Variants in CNTNAP2 observed in about 807,000 individuals in gnomAD.
CNTNAP2 encodes the protein contactin associated protein 2.
CNTNAP2 carries 98 observed loss-of-function variants against 155.2 expected under a neutral mutation model. The observed-to-expected ratio is 0.63, with a 90% CI of 0.54 to 0.75. The LOEUF (loss-of-function observed/expected upper bound fraction) is 0.75. Among genes scored for constraint, CNTNAP2 ranks in the 30% least tolerant of loss-of-function variants. The pLI, the probability that CNTNAP2 is intolerant of heterozygous loss-of-function variation, is 0.00. For synonymous variants in CNTNAP2, 651 were observed against 631.2 expected (o/e 1.03, Z -0.47); for missense variants, 1,727 against 1,688.1 (o/e 1.02, Z -0.40).
intron 3 of CNTNAP2, among the ~76,000 whole-genome samples, chr7:146,920,091 G>C (rs1419624188): frequency 6.6e-6 from 1 of 152,166 alleles, no homozygotes; most frequent in Non-Finnish European, 1.5e-5. Flanking sequence ...ATATTACTAA[G>C]AGAGTACATC....
At chr7:147,086,577 G>A (rs1800284314) in intron 4 of CNTNAP2, among the ~76,000 whole-genome samples, 1 of 151,932 alleles carries the variant, frequency 6.6e-6, no homozygotes, top group East Asian at 1.9e-4. Context: ...CTGAAAACAG[G>A]CATGCACCAC....
chr7:146,896,869 T>C (rs1795888005), intron 3 of CNTNAP2, among the ~76,000 whole-genome samples: 1 of 152,098 alleles, frequency 6.6e-6, no homozygotes, highest in Admixed American at 6.6e-5. Flanking sequence ...TTAATGATGA[T>C]TTATTTAACT....
At chr7:148,308,671 A>T (rs1265153640) in intron 21 of CNTNAP2, among the ~76,000 whole-genome samples, 2 of 151,840 alleles carry the variant, frequency 1.3e-5, no homozygotes. Context: ...GGTTTGCTGT[A>T]CCCATCAACC....
At chr7:147,068,472 C>A (rs972425669) in intron 4 of CNTNAP2, among the ~76,000 whole-genome samples, 1 of 152,172 alleles carries the variant, frequency 6.6e-6, no homozygotes, top group Non-Finnish European at 1.5e-5. Context: ...GATTCTCCTG[C>A]CTCCACCTCC....
At chr7:147,711,441 A>G (rs1473992986) in intron 13 of CNTNAP2, among the ~76,000 whole-genome samples, 1 of 152,202 alleles carries the variant, frequency 6.6e-6, no homozygotes, top group Non-Finnish European at 1.5e-5. Flanking sequence ...CCAATGTACG[A>G]AGGGATGACC....
At chr7:146,761,296 A>C (rs1802093451) in intron 1 of CNTNAP2, among the ~76,000 whole-genome samples, 1 of 105,068 alleles carries the variant, frequency 9.5e-6, no homozygotes, top group Non-Finnish European at 1.9e-5. Flanking sequence ...GAAGGAAGGA[A>C]GGAAGGAAGG....
At chr7:147,609,646 T>C (rs1163707570) in intron 12 of CNTNAP2, among the ~76,000 whole-genome samples, 1 of 151,524 alleles carries the variant, frequency 6.6e-6, no homozygotes, top group African/African-American at 2.4e-5. Context: ...TAGGAAAAAA[T>C]AGAGGTGATG....
intron 12 of CNTNAP2, among the ~76,000 whole-genome samples, chr7:147,611,708 T>A (rs1420975210): frequency 1.3e-5 from 2 of 152,176 alleles, no homozygotes; most frequent in Non-Finnish European, 2.9e-5. Context: ...TTGAGCTCAT[T>A]TCCTCAGTGT....
chr7:147,283,675 G>C (rs772549909), intron 8 of CNTNAP2, among the ~76,000 whole-genome samples: 2 of 151,894 alleles, frequency 1.3e-5, no homozygotes, highest in Non-Finnish European at 2.9e-5. Context: ...ATTGCTGGAT[G>C]ACATCTTCAT....
chr7:147,653,454 T>G (rs900877961), intron 13 of CNTNAP2, among the ~76,000 whole-genome samples: 1 of 152,176 alleles, frequency 6.6e-6, no homozygotes, highest in African/African-American at 2.4e-5. Flanking sequence ...AGGACACTGA[T>G]ACAGACATGA....
Position 146,604,818 on chromosome 7 carries a change from G to A in CNTNAP2, c.98-169453G>A, listed in dbSNP as rs146079813. On this transcript the variant is annotated intron_variant, in intron 1 of 23. Transcript: ENST00000361727. ...AAATCATCATTCTCAGTAAACTATCGCAGGGACAAAAAACCAAACACCTCA... is the reference window on the plus strand; with the variant it reads ...AAATCATCATTCTCAGTAAACTATCACAGGGACAAAAAACCAAACACCTCA... Among the ~76,000 whole-genome samples the A allele has an allele frequency of 6.8e-3, 985 of 144,134 alleles. 17 individuals carry two copies. The highest frequency in any genetic ancestry group is 0.023 in the African/African-American group (933 of 40,134). 94.6% of individuals were successfully genotyped at this position (144,134 alleles called of 152,430 possible).
chr7:147,838,534 C>T (rs1798669116), intron 13 of CNTNAP2, among the ~76,000 whole-genome samples: 3 of 152,126 alleles, frequency 2.0e-5, no homozygotes, highest in African/African-American at 4.8e-5. Context: ...TTTTTTCTAC[C>T]AGATACTCTG....
intron 3 of CNTNAP2, among the ~76,000 whole-genome samples, chr7:146,925,798 G>C (rs1255443555): frequency 6.6e-6 from 1 of 152,048 alleles, no homozygotes; most frequent in Non-Finnish European, 1.5e-5. Context: ...TATTGTAGCA[G>C]CAACATTCAG....
chr7:148,265,361 C>G (rs1354830788), intron 20 of CNTNAP2, among the ~76,000 whole-genome samples: 15 of 152,176 alleles, frequency 9.9e-5, no homozygotes, highest in Admixed American at 9.8e-4. Context: ...GCAGGCTTGA[C>G]CTCCTGGCCT....
chr7:147,337,865 T>C (rs575966278), intron 9 of CNTNAP2, among the ~76,000 whole-genome samples: 1 of 152,280 alleles, frequency 6.6e-6, no homozygotes, highest in South Asian at 2.1e-4. Flanking sequence ...TAGTCATCAG[T>C]AAAATGTCCT....
intron 20 of CNTNAP2, among the ~76,000 whole-genome samples, chr7:148,248,589 TG>T (rs1262003668): frequency 3.9e-5 from 6 of 152,220 alleles, no homozygotes; most frequent in African/African-American, 1.4e-4. Context: ...TATCTGTGGT[TG>T]TTTTTTTAAT....
chr7:148,342,418 A>G (rs1798252902), intron 21 of CNTNAP2, among the ~76,000 whole-genome samples: 2 of 152,172 alleles, frequency 1.3e-5, no homozygotes, highest in Admixed American at 1.3e-4. Flanking sequence ...TTCTCATTCT[A>G]ATGTATCCTG....
chr7:146,607,479 T>A (rs1345922659), intron 1 of CNTNAP2, among the ~76,000 whole-genome samples: 3 of 152,026 alleles, frequency 2.0e-5, no homozygotes, highest in Non-Finnish European at 1.5e-5. Flanking sequence ...AATTTATGTT[T>A]TTATTATTAT....
At chr7:146,246,449 T>G (rs1481586585) in intron 1 of CNTNAP2, among the ~76,000 whole-genome samples, 8 of 149,484 alleles carry the variant, frequency 5.4e-5, no homozygotes, top group African/African-American at 2.0e-4. Context: ...TTTAAGAGGT[T>G]TAGAAGCCTG....
Sources: gnomAD v4.1 joint callset for allele counts (sites outside exome capture counted in the v4.1 genomes callset) on GRCh38, gnomAD v4.1.1 for gene constraint, MANE v1.5 for transcripts, NCBI Gene and HGNC (gene_info 2026-07-23, HGNC 2026-07-21) for gene names.